Variants in TMX3 observed in about 807,000 individuals in gnomAD.
TMX3 encodes the protein thioredoxin related transmembrane protein 3.
In TMX3, 40 loss-of-function variants were observed where a neutral mutation model predicts 64.4. The ratio of observed to expected loss-of-function variants is 0.62; its 90% CI spans 0.48 to 0.81. The LOEUF is 0.81. Among genes scored for constraint, TMX3 ranks in the 30% least tolerant of loss-of-function variants. TMX3 has a pLI of 0.00. For synonymous variants in TMX3, 189 were observed against 175.7 expected (o/e 1.08, Z -0.60); for missense variants, 497 against 534.5 (o/e 0.93, Z 0.69).
At chr18:68,687,548 C>G in intron 10 of TMX3, 119 bp downstream of exon 10, 1 of 1,471,410 alleles carries the variant, frequency 6.8e-7, no homozygotes, top group Non-Finnish European at 9.0e-7. Context: ...GCATTCAGAT[C>G]TAAAATAAAA....
chr18:68,683,522 T>C (rs114401089), intron 12 of TMX3, among the ~76,000 whole-genome samples: 3,278 of 152,256 alleles, frequency 0.022, 106 homozygotes, highest in African/African-American at 0.074. Flanking sequence ...CTTTTGAGTT[T>C]CTGTTAGAAT....
At chr18:68,710,456 A>G (rs2031162233) in intron 3 of TMX3, among the ~76,000 whole-genome samples, 1 of 152,194 alleles carries the variant, frequency 6.6e-6, no homozygotes, top group South Asian at 2.1e-4. Flanking sequence ...GAAACGTTTT[A>G]TATAAAATGA....
At chr18:68,707,148 C>T (rs926211981) in intron 4 of TMX3, among the ~76,000 whole-genome samples, 3 of 151,556 alleles carry the variant, frequency 2.0e-5, no homozygotes, top group Non-Finnish European at 2.9e-5. Context: ...CATTAAGTGT[C>T]TGCTAAATGA....
At position 68,700,446 on chromosome 18, in the gene TMX3, T is replaced by C; in HGVS notation, c.351A>G (p.Arg117=). The C allele has an allele frequency of 6.3e-7, 1 of 1,581,286 alleles. No individual in the cohort carries two copies. Among genetic ancestry groups the C allele is most frequent in the African/African-American group, 1.4e-5 (1 of 73,410 alleles). ...GDLAYNYRGP[R]TKDDIIEFAH... ...CAAACTCAATAATATCATCTTTTGT[T>C]CGTGGTCCTCTATAATTATATGCCA... Residue 117 remains arginine, a synonymous_variant, in exon 6 of 16, where the codon CGA becomes CGG. Coordinates refer to ENST00000299608, the MANE Select transcript of TMX3 (RefSeq NM_019022.5).
intron 4 of TMX3, among the ~76,000 whole-genome samples, chr18:68,708,582 C>A (rs2030955721): frequency 2.0e-5 from 3 of 152,236 alleles, no homozygotes; most frequent in Middle Eastern, 3.4e-3. Context: ...AGGCTCCCAG[C>A]ATCCAACACC....
At chr18:68,697,708 A>AAGGC in intron 7 of TMX3, 1 of 457,208 alleles carries the variant, frequency 2.2e-6, no homozygotes, top group East Asian at 3.4e-5. Flanking sequence ...AAAAAATGCT[A>AAGGC]AGGCAGGCAA....
chr18:68,706,581 C>G (rs1041273817), intron 4 of TMX3, among the ~76,000 whole-genome samples: 1 of 152,098 alleles, frequency 6.6e-6, no homozygotes, highest in Non-Finnish European at 1.5e-5. Flanking sequence ...TATTGCAGGT[C>G]GTCTACAGAT....
intron 5 of TMX3, 58 bp from the exon 6 acceptor site, chr18:68,700,543 G>C: frequency 1.6e-6 from 2 of 1,237,130 alleles, no homozygotes; most frequent in Non-Finnish European, 1.1e-6. Context: ...AATATTTAAT[G>C]TTAATCATTA....
intron 15 of TMX3, among the ~76,000 whole-genome samples, chr18:68,677,756 T>C (rs558693602): frequency 1.3e-5 from 2 of 152,242 alleles, no homozygotes; most frequent in South Asian, 2.1e-4. Context: ...AACTAGAATA[T>C]ACTGCATGAA....
At chr18:68,714,528 C>G in intron 1 of TMX3, 1 of 249,052 alleles carries the variant, frequency 4.0e-6, no homozygotes, top group Non-Finnish European at 7.8e-6. Context: ...CCTCGACCAC[C>G]CTCTCTTGAG....
Position 68,687,174 on chromosome 18 carries a change from A to G in TMX3, c.736+493T>C, listed in dbSNP as rs79537228. The stretch of plus-strand genomic sequence containing the variant: ...TTAGCTTCTTATTTTTATAGTTTGC[A>G]TCTGAGACCATATAATCGGCTTCTT... On this transcript the variant is annotated intron_variant, in intron 10 of 15. Coordinates refer to ENST00000299608, the MANE Select transcript of TMX3 (RefSeq NM_019022.5). 3 of 985,340 alleles carry G rather than the reference A, an allele frequency of 3.0e-6. No homozygotes were observed. The East Asian group carries it at 3.4e-4, about 112-fold the overall frequency. The allele number at this position is 985,340 out of a possible 1,614,324, so 61.0% of individuals were successfully genotyped here. A position where few individuals can be genotyped will look rare whatever the true frequency, so the allele number is the denominator to read the frequency against.
intron 4 of TMX3, among the ~76,000 whole-genome samples, chr18:68,709,358 A>C (rs543520238): frequency 6.6e-6 from 1 of 152,288 alleles, no homozygotes; most frequent in South Asian, 2.1e-4. Flanking sequence ...GGTCAGATAA[A>C]TATTTTAGGC....
At chr18:68,713,119 C>T (rs1376459478) in intron 2 of TMX3, among the ~76,000 whole-genome samples, 1 of 152,040 alleles carries the variant, frequency 6.6e-6, no homozygotes, top group African/African-American at 2.4e-5. Context: ...ATCTCATTTC[C>T]TACAGCACTG....
At chr18:68,701,598 TC>T (rs2145100662) in intron 5 of TMX3, 146 bp downstream of exon 5, 2 of 1,511,866 alleles carry the variant, frequency 1.3e-6, no homozygotes, top group East Asian at 5.1e-5. Flanking sequence ...AAGCAGTCCC[TC>T]TCCTTTAATT....
chr18:68,714,742 G>A (rs748025833), intron 1 of TMX3, among the ~76,000 whole-genome samples, 194 bp downstream of exon 1: 1 of 152,238 alleles, frequency 6.6e-6, no homozygotes, highest in Non-Finnish European at 1.5e-5. Context: ...AGCGGCGGCG[G>A]AAGGACCCCA....
rs957144985 is a variant in TMX3 at position 68,709,875 on chromosome 18, TA to T, written c.265+145del. ...CTACATGTTCAATGGCTAATTCATT[TA>T]ACTCATAAAGTATACAGTCTTAAAT... On this transcript the variant is annotated intron_variant, in intron 4 of 15. Transcript: ENST00000299608. 1.7e-4 allele frequency: 109 copies of T among 648,354 alleles called. No individual in the cohort carries two copies. The African/African-American group carries it at 2.1e-3, about 13-fold the overall frequency. 40.2% of individuals were successfully genotyped at this position (648,354 alleles called of 1,614,324 possible). A position where few individuals can be genotyped will look rare whatever the true frequency, so the allele number is the denominator to read the frequency against.
At chr18:68,697,756 G>T in intron 7 of TMX3, 176 bp downstream of exon 7, 2 of 521,802 alleles carry the variant, frequency 3.8e-6, no homozygotes, top group Non-Finnish European at 6.7e-6. Context: ...TTTCATATAG[G>T]AAAACATGAC....
chr18:68,711,442 T>C (rs372327248), intron 2 of TMX3, 39 bp from the exon 3 acceptor site: 4 of 1,486,712 alleles, frequency 2.7e-6, no homozygotes, highest in Non-Finnish European at 3.7e-6. Flanking sequence ...TGTATGTTTG[T>C]GTCCACTTTA....
rs1912813603 is a variant in TMX3, at chr18:68,675,048, G to A, written c.*1885C>T. Reference sequence around the variant, plus strand: ...TATGTAAATGACTAATTATAAATATGAAAAAATTCAGTGACATTTTCTATA... The same window carrying A: ...TATGTAAATGACTAATTATAAATATAAAAAAATTCAGTGACATTTTCTATA... On this transcript the variant is annotated 3_prime_UTR_variant, in exon 16 of 16. Coordinates refer to ENST00000299608, the MANE Select transcript of TMX3 (RefSeq NM_019022.5). The A allele has an allele frequency of 6.6e-6, 1 of 152,052 alleles. No individual in the cohort carries two copies. The allele number at this position is 152,052 out of a possible 1,614,324, so 9.4% of individuals were successfully genotyped here. A position where few individuals can be genotyped will look rare whatever the true frequency, so the allele number is the denominator to read the frequency against.
Sources: gnomAD v4.1 joint callset for allele counts (sites outside exome capture counted in the v4.1 genomes callset) on GRCh38, gnomAD v4.1.1 for gene constraint, MANE v1.5 for transcripts, NCBI Gene and HGNC (gene_info 2026-07-23, HGNC 2026-07-21) for gene names.